Variants in HS3ST3A1 observed in about 807,000 individuals in gnomAD.
The protein encoded by HS3ST3A1 is heparan sulfate-glucosamine 3-sulfotransferase 3A1, also known as heparan sulfate glucosamine 3-O-sulfotransferase 3A1.
Under a neutral mutation model 25.7 loss-of-function variants are expected in HS3ST3A1, and 19 were observed. The ratio of observed to expected loss-of-function variants is 0.74; its 90% CI spans 0.52 to 1.08. HS3ST3A1 has a LOEUF of 1.08. Among genes scored for constraint, HS3ST3A1 ranks in the 50% least tolerant of loss-of-function variants. HS3ST3A1 has a pLI of 0.00. For synonymous variants in HS3ST3A1, 226 were observed against 278.6 expected, an observed-to-expected ratio of 0.81 and a Z score of 1.88; for missense variants, 459 against 594.3, an observed-to-expected ratio of 0.77 and a Z score of 2.37.
intron 1 of HS3ST3A1, among the ~76,000 whole-genome samples, chr17:13,561,147 T>G (rs1048452750): frequency 6.6e-6 from 1 of 152,048 alleles, no homozygotes; most frequent in African/African-American, 2.4e-5. Flanking sequence ...TAGAAATCAC[T>G]GGGGACAGAA....
rs759075191 is a variant in HS3ST3A1, at chr17:13,600,754, C to A, written c.376G>T (p.Gly126Cys). The change falls in exon 1 of 2, where the codon GGC (glycine) becomes TGC (cysteine). Residue 126 changes from glycine (G) to cysteine (C), a missense_variant. By Grantham distance (159) the Gly-to-Cys change is radical. This residue lies in a region of HS3ST3A1 where 346 missense variants were observed against 303.9 expected (regional missense o/e 1.14). Coordinates refer to ENST00000284110, the MANE Select transcript of HS3ST3A1 (RefSeq NM_006042.3). ...GCCACGGTGCTTCCGGCCCCGGAGC[C>A]GCCCGGACCCCCTGACAGGCCAGGG... Reference protein sequence around the residue: ...ESPGLSGGPGGSGAGSTVAEA... With the variant: ...ESPGLSGGPGCSGAGSTVAEA... 18 of 1,515,786 alleles carry A rather than the reference C, an allele frequency of 1.2e-5. No individual in the cohort carries two copies. The highest frequency in any genetic ancestry group is 1.5e-5 in the Non-Finnish European group (17 of 1,139,100). 93.9% of individuals were successfully genotyped at this position (1,515,786 alleles called of 1,614,324 possible). A position where few individuals can be genotyped will look rare whatever the true frequency, so the allele number is the denominator to read the frequency against.
chr17:13,591,190 G>T (rs979544876), intron 1 of HS3ST3A1, among the ~76,000 whole-genome samples: 1 of 151,852 alleles, frequency 6.6e-6, no homozygotes, highest in Non-Finnish European at 1.5e-5. Flanking sequence ...GGGATTACAG[G>T]CATGGCCACC....
At chr17:13,546,203 C>G (rs1283011770) in intron 1 of HS3ST3A1, among the ~76,000 whole-genome samples, 3 of 152,102 alleles carry the variant, frequency 2.0e-5, no homozygotes, top group Admixed American at 6.5e-5. Flanking sequence ...ATGCCACTCC[C>G]AGGAAAAAAT....
At chr17:13,538,071 G>T (rs1344953453) in intron 1 of HS3ST3A1, among the ~76,000 whole-genome samples, 1 of 152,160 alleles carries the variant, frequency 6.6e-6, no homozygotes, top group African/African-American at 2.4e-5. Flanking sequence ...CATCTATTTG[G>T]TCTGTCAGGG....
chr17:13,544,533 C>T (rs1419566028), intron 1 of HS3ST3A1, among the ~76,000 whole-genome samples: 2 of 152,186 alleles, frequency 1.3e-5, no homozygotes, highest in African/African-American at 2.4e-5. Flanking sequence ...TCAGGCCCTG[C>T]GCCGTCTGGC....
At chr17:13,573,344 G>A (rs897182956) in intron 1 of HS3ST3A1, among the ~76,000 whole-genome samples, 1 of 151,996 alleles carries the variant, frequency 6.6e-6, no homozygotes, top group African/African-American at 2.4e-5. Context: ...AGCATTCCAA[G>A]CCTCCATTTG....
At chr17:13,526,003 CTT>C (rs1024325282) in intron 1 of HS3ST3A1, among the ~76,000 whole-genome samples, 5 of 152,082 alleles carry the variant, frequency 3.3e-5, no homozygotes, top group Non-Finnish European at 7.4e-5. Flanking sequence ...CCCAGCTGTA[CTT>C]GACATGATAT....
At chr17:13,548,410 A>G (rs1315871404) in intron 1 of HS3ST3A1, among the ~76,000 whole-genome samples, 1 of 152,204 alleles carries the variant, frequency 6.6e-6, no homozygotes, top group African/African-American at 2.4e-5. Context: ...TTATCTACTG[A>G]AAGTGCTATC....
intron 1 of HS3ST3A1, among the ~76,000 whole-genome samples, chr17:13,544,472 C>G (rs983171470): frequency 6.6e-6 from 1 of 152,214 alleles, no homozygotes; most frequent in Non-Finnish European, 1.5e-5. Flanking sequence ...AGGAAGGGCT[C>G]GCTGCCTGGG....
intron 1 of HS3ST3A1, among the ~76,000 whole-genome samples, chr17:13,528,259 G>T (rs1366918118): frequency 6.6e-6 from 1 of 152,214 alleles, no homozygotes; most frequent in African/African-American, 2.4e-5. Context: ...AACTCTGGCA[G>T]GCAACAAAAA....
At chr17:13,532,891 GTGTATATGTT>G in intron 1 of HS3ST3A1, among the ~76,000 whole-genome samples, 1 of 113,830 alleles carries the variant, frequency 8.8e-6, no homozygotes, top group East Asian at 2.7e-4. Context: ...GTGTGTGTGT[GTGTATATGTT>G]TATATACACA....
intron 1 of HS3ST3A1, among the ~76,000 whole-genome samples, chr17:13,564,719 C>CTTTTT (rs397812904): frequency 8.0e-6 from 1 of 124,316 alleles, no homozygotes. Flanking sequence ...GACTTCTTTC[C>CTTTTT]TTTTTTTTTT....
chr17:13,525,084 G>GT (rs1906368630), intron 1 of HS3ST3A1, among the ~76,000 whole-genome samples: 2 of 152,036 alleles, frequency 1.3e-5, no homozygotes, highest in African/African-American at 2.4e-5. Flanking sequence ...ATGTATGTAT[G>GT]AGTGTGTCTG....
chr17:13,582,346 G>A (rs1331579719), intron 1 of HS3ST3A1, among the ~76,000 whole-genome samples: 1 of 152,188 alleles, frequency 6.6e-6, no homozygotes, highest in African/African-American at 2.4e-5. Flanking sequence ...CCAAATCAAT[G>A]TATTGAAGTT....
intron 1 of HS3ST3A1, among the ~76,000 whole-genome samples, chr17:13,553,107 C>T (rs1356953017): frequency 6.6e-6 from 1 of 152,144 alleles, no homozygotes; most frequent in Non-Finnish European, 1.5e-5. Flanking sequence ...GCAGAGACTA[C>T]AAGAATTGCT....
chr17:13,502,350 C>T (rs186615673), intron 1 of HS3ST3A1, among the ~76,000 whole-genome samples: 4 of 152,298 alleles, frequency 2.6e-5, no homozygotes, highest in South Asian at 2.1e-4. Flanking sequence ...TGTGCCTTAA[C>T]GATGGTCCAA....
chr17:13,537,605 G>A (rs901559795), intron 1 of HS3ST3A1, among the ~76,000 whole-genome samples: 8 of 152,074 alleles, frequency 5.3e-5, no homozygotes, highest in South Asian at 2.1e-4. Flanking sequence ...AATGTATTGC[G>A]CCTATAATTC....
At chr17:13,577,796 C>T (rs1907985202) in intron 1 of HS3ST3A1, among the ~76,000 whole-genome samples, 1 of 152,180 alleles carries the variant, frequency 6.6e-6, no homozygotes, top group African/African-American at 2.4e-5. Flanking sequence ...CCATTTGCAT[C>T]AAGTTCAGGC....
chr17:13,534,821 T>C (rs1906721010), intron 1 of HS3ST3A1, among the ~76,000 whole-genome samples: 1 of 151,862 alleles, frequency 6.6e-6, no homozygotes, highest in African/African-American at 2.4e-5. Flanking sequence ...AGGTTGGGAG[T>C]TCGTGACCAG....
Sources: allele counts gnomAD v4.1 joint callset (sites outside exome capture counted in the v4.1 genomes callset), GRCh38; gene constraint gnomAD v4.1.1; regional missense constraint gnomAD v4.1.1; transcripts MANE v1.5; gene names NCBI Gene and HGNC (gene_info 2026-07-23, HGNC 2026-07-21).